The following ZBTB47 variants were observed in gnomAD, a reference collection of about 807,000 sequenced individuals.
ZBTB47 encodes the protein zinc finger and BTB domain containing 47.
ZBTB47 carries 24 observed loss-of-function variants against 56.6 expected under a neutral mutation model. That is an observed-to-expected ratio of 0.42 (90% CI 0.31 to 0.60). The LOEUF (loss-of-function observed/expected upper bound fraction) is 0.60. ZBTB47 is among the 20% of genes least tolerant of loss of function. The probability of loss-of-function intolerance (pLI) is 0.14; values close to 1 mark genes in which losing one functional copy is unlikely to be tolerated. For missense variants in ZBTB47, 829 were observed against 1,032.6 expected, an observed-to-expected ratio of 0.80 and a Z score of 2.70; for synonymous variants, 414 against 418.9, an observed-to-expected ratio of 0.99 and a Z score of 0.14.
At position 42,659,170 on chromosome 3, in the gene ZBTB47, T is replaced by C; in HGVS notation, c.815T>C (p.Leu272Pro). ...ATVVLGREDG[L>P]QRHSDEEEED... ...GTGGTTCTGGGCCGGGAGGACGGGC[T>C]GCAGAGACACTCGGACGAGGAGGAG... The change falls in exon 2 of 6, where the codon CTG (leucine) becomes CCG (proline). Residue 272 changes from leucine to proline, a missense_variant. By Grantham distance (98) the Leu-to-Pro change is moderately conservative (BLOSUM62 -3). Around this residue, in one of 6 missense-constraint regions of ZBTB47, gnomAD observed 359 missense variants for 359.8 expected, o/e 1.00. Transcript: ENST00000232974. 1 of 1,520,488 alleles carries C rather than the reference T, an allele frequency of 6.6e-7. No individual in the cohort carries two copies. Among genetic ancestry groups the C allele is most frequent in the Non-Finnish European group, 8.8e-7 (1 of 1,138,848 alleles). 94.2% of individuals were successfully genotyped at this position (1,520,488 alleles called of 1,614,324 possible).
At chr3:42,653,694 GC>G (rs1009379411), upstream of ZBTB47, 2 of 152,526 alleles carry the variant, frequency 1.3e-5, no homozygotes, top group African/African-American at 4.8e-5. Flanking sequence ...GAGCAAGGGG[GC>G]CACTCAGCAG....
chr3:42,661,185 G>A (rs1299489249), intron 2 of ZBTB47, among the ~76,000 whole-genome samples: 1 of 152,204 alleles, frequency 6.6e-6, no homozygotes, highest in Admixed American at 6.5e-5. Context: ...GACAGACAAA[G>A]GGTGATGCCT....
chr3:42,658,943 T>A lies in ZBTB47; in HGVS notation c.588T>A (p.Gly196=). ...QPFFKEEKEG[G]VEEAGGPPAS... ...TCTTTAAGGAGGAGAAGGAGGGTGG[T>A]GTCGAGGAGGCCGGTGGGCCCCCAG... Residue 196 remains glycine, a synonymous_variant, in exon 2 of 6, where the codon GGT becomes GGA. Coordinates refer to ENST00000232974, the MANE Select transcript of ZBTB47 (RefSeq NM_145166.4). 1 of 1,499,784 alleles carries A rather than the reference T, an allele frequency of 6.7e-7. No individual in the cohort carries two copies. Among genetic ancestry groups the A allele is most frequent in the Non-Finnish European group, 8.9e-7 (1 of 1,129,108 alleles). 92.9% of individuals were successfully genotyped at this position (1,499,784 alleles called of 1,614,324 possible). A position where few individuals can be genotyped will look rare whatever the true frequency, so the allele number is the denominator to read the frequency against.
Position 42,661,485 on chromosome 3 carries a change from T to C in ZBTB47, c.1474T>C (p.Cys492Arg). Residue 492 changes from cysteine (C) to arginine (R), a missense_variant and splice_region_variant, in exon 3 of 6, where the codon TGT becomes CGT. Coordinates refer to ENST00000232974, the MANE Select transcript of ZBTB47 (RefSeq NM_145166.4). The stretch of plus-strand genomic sequence containing the variant: ...GGCCTCAAGTCCTCTTATTCTGCAG[T>C]GTGTGACATGTGGCAAAGCTTTCAA... ...RQTDCERNIQ[C>R]VTCGKAFKKL... 1 of 1,613,748 alleles carries C rather than the reference T, an allele frequency of 6.2e-7. No individual in the cohort carries two copies. Among genetic ancestry groups the C allele is most frequent in the East Asian group, 2.2e-5 (1 of 44,872 alleles).
In ZBTB47 at chr3:42,663,388, C is replaced by A. The variant is rs906091264; in HGVS notation, c.1737+261C>A. On this transcript the variant is annotated intron_variant, in intron 4 of 5. Transcript: ENST00000232974. The surrounding 1 kb of genome is among the most constrained non-coding windows in gnomAD (Gnocchi z 5.1). ...GTGGGAAGTGTGTGTGGGCTACAGC[C>A]CTAGGAGCAGGCTTTCTGGGGAGGC... Among the ~76,000 whole-genome samples, 4 of 152,106 alleles carry A rather than the reference C, an allele frequency of 2.6e-5. No homozygotes were observed. The highest frequency in any genetic ancestry group is 9.7e-5 in the African/African-American group (4 of 41,418).
rs1159344982 is a variant in ZBTB47 at position 42,666,955 on chromosome 3, C to G, written c.*2357C>G. On this transcript the variant is annotated 3_prime_UTR_variant, in exon 6 of 6. Transcript: ENST00000232974. The stretch of plus-strand genomic sequence containing the variant: ...GAGCCTGTGTCCCTGGTGCTAAGCA[C>G]TCTCTTCACTTGGGCCATTGTTGGT... Among the ~76,000 whole-genome samples the G allele has an allele frequency of 6.6e-6, 1 of 152,236 alleles. No homozygotes were observed. The highest frequency in any genetic ancestry group is 1.5e-5 in the Non-Finnish European group (1 of 68,042).
chr3:42,659,053 A>C lies in ZBTB47; in HGVS notation c.698A>C (p.Gln233Pro). The C allele has an allele frequency of 6.6e-7, 1 of 1,524,570 alleles. No individual in the cohort carries two copies. Among genetic ancestry groups the C allele is most frequent in the Non-Finnish European group, 8.8e-7 (1 of 1,140,890 alleles). The allele number at this position is 1,524,570 out of a possible 1,614,324, so 94.4% of individuals were successfully genotyped here. A position where few individuals can be genotyped will look rare whatever the true frequency, so the allele number is the denominator to read the frequency against. Residue 233 changes from glutamine (Q) to proline (P), a missense_variant, in exon 2 of 6, where the codon CAG becomes CCG. Coordinates refer to ENST00000232974, the MANE Select transcript of ZBTB47 (RefSeq NM_145166.4). Reference protein sequence around the residue: ...SGTYSRREQSQIIVEVNLNNQ... With the variant: ...SGTYSRREQSPIIVEVNLNNQ... ...ACCTACAGCCGCAGGGAGCAATCCCAGATCATCGTGGAGGTGAACCTCAAC... is the reference window on the plus strand; with the variant it reads ...ACCTACAGCCGCAGGGAGCAATCCCCGATCATCGTGGAGGTGAACCTCAAC...
rs760064647 is a variant in ZBTB47 at position 42,664,298 on chromosome 3, G to A, written c.1944G>A (p.Lys648=). ...GKSFTSRPNM[K]RHRRTHTGEK... ...GCTTCACCAGCCGGCCCAACATGAAGCGGCACCGGCGCACGCACACGGGCG... is the reference window on the plus strand; with the variant it reads ...GCTTCACCAGCCGGCCCAACATGAAACGGCACCGGCGCACGCACACGGGCG... The change falls in exon 6 of 6, where the codon AAG becomes AAA. Residue 648 remains lysine, a synonymous_variant. Transcript: ENST00000232974. 6.2e-7 allele frequency: 1 copy of A among 1,613,482 alleles called. No individual in the cohort carries two copies. Among genetic ancestry groups the A allele is most frequent in the East Asian group, 2.2e-5 (1 of 44,856 alleles).
rs1710662717 is a variant in ZBTB47 at position 42,658,332 on chromosome 3, G to C, written c.-24G>C. 4.6e-6 allele frequency: 7 copies of C among 1,515,694 alleles called. No homozygotes were observed. Among genetic ancestry groups the C allele is most frequent in the Non-Finnish European group, 6.2e-6 (7 of 1,135,634 alleles). 93.9% of individuals were successfully genotyped at this position (1,515,694 alleles called of 1,614,324 possible). A position where few individuals can be genotyped will look rare whatever the true frequency, so the allele number is the denominator to read the frequency against. On this transcript the variant is annotated 5_prime_UTR_variant, in exon 2 of 6. Coordinates refer to ENST00000232974, the MANE Select transcript of ZBTB47 (RefSeq NM_145166.4). ...GGCTGAGTTCTCGCTGGTGGAGGAC[G>C]TGGCGCTGCACTTTGCCTGCTTGAT...
Position 42,664,655 on chromosome 3 carries a change from G to A in ZBTB47, c.*57G>A, listed in dbSNP as rs1025626754. 4.4e-6 allele frequency: 6 copies of A among 1,366,656 alleles called. No homozygotes were observed. Among genetic ancestry groups the A allele is most frequent in the Non-Finnish European group, 4.7e-6 (5 of 1,067,306 alleles). 84.7% of individuals were successfully genotyped at this position (1,366,656 alleles called of 1,614,324 possible). ...CCTGGAGTCAGGGCCCACTCCAGGAGGGACCCACTGCCTTCCCGGGGAGCA... is the reference window on the plus strand; with the variant it reads ...CCTGGAGTCAGGGCCCACTCCAGGAAGGACCCACTGCCTTCCCGGGGAGCA... On this transcript the variant is annotated 3_prime_UTR_variant, in exon 6 of 6. Transcript: ENST00000232974.
Position 42,658,945 on chromosome 3 carries a change from T to A in ZBTB47, c.590T>A (p.Val197Asp). 1 of 1,501,050 alleles carries A rather than the reference T, an allele frequency of 6.7e-7. No homozygotes were observed. The highest frequency in any genetic ancestry group is 8.9e-7 in the Non-Finnish European group (1 of 1,129,586). The allele number at this position is 1,501,050 out of a possible 1,614,324, so 93.0% of individuals were successfully genotyped here. Reference protein sequence around the residue: ...PFFKEEKEGGVEEAGGPPASL... With the variant: ...PFFKEEKEGGDEEAGGPPASL... ...TTTAAGGAGGAGAAGGAGGGTGGTG[T>A]CGAGGAGGCCGGTGGGCCCCCAGCC... Residue 197 changes from valine (V) to aspartate (D), a missense_variant, in exon 2 of 6, where the codon GTC becomes GAC. This residue lies in a region of ZBTB47 where 359 missense variants were observed against 359.8 expected (regional missense o/e 1.00). Transcript: ENST00000232974.
rs767570788 is a variant in ZBTB47, at chr3:42,659,389, CTGAGGAGGA to C, written c.1035_1043del (p.Glu347_Glu349del). On this transcript the variant is annotated inframe_deletion, in exon 2 of 6. Coordinates refer to ENST00000232974, the MANE Select transcript of ZBTB47 (RefSeq NM_145166.4). ...CCTAGTGAGCAGGATCAAGAGAGCT[CTGAGGAGGA>C]GGAGGGGGAGGAGGGGGAGGCTGGG... The C allele has an allele frequency of 2.1e-4, 230 of 1,080,744 alleles. No homozygotes were observed. Among genetic ancestry groups the C allele is most frequent in the Admixed American group, 4.8e-4 (9 of 18,924 alleles). The allele number at this position is 1,080,744 out of a possible 1,614,324, so 66.9% of individuals were successfully genotyped here.
At position 42,662,984 on chromosome 3, in the gene ZBTB47, C is replaced by T. The variant is rs779693770; in HGVS notation, c.1622-28C>T. 5 of 1,568,804 alleles carry T rather than the reference C, an allele frequency of 3.2e-6. 1 individual carries two copies. The Admixed American group carries it at 6.7e-5, about 21-fold the overall frequency. On this transcript the variant is annotated intron_variant, in intron 3 of 5. Transcript: ENST00000232974. ...GGGGTGCTTGGGCAGGCCCGTAAAA[C>T]ATGATGGCCCTGGTGCCCACCTCGT... is the stretch of plus-strand genomic sequence containing the variant.
chr3:42,661,450 C>T (rs202246236), intron 2 of ZBTB47, 35 bp from the exon 3 acceptor site: 8 of 1,606,456 alleles, frequency 5.0e-6, no homozygotes, highest in Admixed American at 3.4e-5. Context: ...CCTGGGGACT[C>T]AGGACCCAGG....
chr3:42,659,158 G>A lies in ZBTB47; in HGVS notation c.803G>A (p.Arg268Gln), dbSNP rs765523875. 2.1e-4 allele frequency: 315 copies of A among 1,516,186 alleles called. No individual in the cohort carries two copies. The highest frequency in any genetic ancestry group is 2.6e-4 in the Non-Finnish European group (290 of 1,136,194). 93.9% of individuals were successfully genotyped at this position (1,516,186 alleles called of 1,614,324 possible). ...GPSPATVVLG[R>Q]EDGLQRHSDE... ...AGCCCAGCCACCGTGGTTCTGGGCC[G>A]GGAGGACGGGCTGCAGAGACACTCG... The change falls in exon 2 of 6, where the codon CGG (arginine) becomes CAG (glutamine). Residue 268 changes from arginine to glutamine, a missense_variant. Arg to Gln is a conservative substitution (Grantham distance 43). This residue lies in a region of ZBTB47 where 359 missense variants were observed against 359.8 expected (regional missense o/e 1.00). Coordinates refer to ENST00000232974, the MANE Select transcript of ZBTB47 (RefSeq NM_145166.4).
Position 42,659,698 on chromosome 3 carries a change from G to A in ZBTB47, c.1343G>A (p.Arg448His), listed in dbSNP as rs1266145501. 6 of 1,613,474 alleles carry A rather than the reference G, an allele frequency of 3.7e-6. No homozygotes were observed. Among genetic ancestry groups the A allele is most frequent in the South Asian group, 1.1e-5 (1 of 90,966 alleles). Residue 448 changes from arginine to histidine, a missense_variant, in exon 2 of 6, where the codon CGC becomes CAC. This residue lies in a region of ZBTB47 where 187 missense variants were observed against 253.1 expected (regional missense o/e 0.74). Transcript: ENST00000232974. Reference sequence around the variant, plus strand: ...AAGTGCCCACGAGTTTTCAACAACCGCTGGTACCTGGAGAAACACATGAAT... The same window carrying A: ...AAGTGCCCACGAGTTTTCAACAACCACTGGTACCTGGAGAAACACATGAAT... ...CQKCPRVFNNRWYLEKHMNVT... is the reference protein window; with the variant it reads ...CQKCPRVFNNHWYLEKHMNVT...
At position 42,654,687 on chromosome 3, in the gene ZBTB47, G is replaced by C; in HGVS notation, c.-82+804G>C. ...GGGCCCTGTGAGCCCCCAGCGCCAC[G>C]GCACCATGGTACGCAGGGCCCTGCC... On this transcript the variant is annotated intron_variant, in intron 1 of 5. Coordinates refer to ENST00000232974, the MANE Select transcript of ZBTB47 (RefSeq NM_145166.4). This position sits in a 1 kb window ranked among gnomAD's most constrained non-coding sequence, Gnocchi z 5.0. 4 of 984,940 alleles carry C rather than the reference G, an allele frequency of 4.1e-6. No individual in the cohort carries two copies. Among genetic ancestry groups the C allele is most frequent in the Non-Finnish European group, 4.8e-6 (4 of 829,726 alleles). 61.0% of individuals were successfully genotyped at this position (984,940 alleles called of 1,614,324 possible).
upstream of ZBTB47, among the ~76,000 whole-genome samples, chr3:42,653,184 G>C (rs1194208226): frequency 6.6e-6 from 1 of 152,134 alleles, no homozygotes; most frequent in Non-Finnish European, 1.5e-5. Context: ...GGAGGCCCTT[G>C]CAATCTTACA....
rs781678836 is a variant in ZBTB47, at chr3:42,663,954, CT to C, written c.1882+14del. 2 of 1,605,360 alleles carry C rather than the reference CT, an allele frequency of 1.2e-6. No individual in the cohort carries two copies. Among genetic ancestry groups the C allele is most frequent in the East Asian group, 4.5e-5 (2 of 44,500 alleles). ...AAGACCCACACAGGTGCGGCTGCCCCTGGGGACGGAGCTCGGTGCCGGGCCT... is the reference window on the plus strand; with the variant it reads ...AAGACCCACACAGGTGCGGCTGCCCCGGGGACGGAGCTCGGTGCCGGGCCT... On this transcript the variant is annotated intron_variant, in intron 5 of 5. Coordinates refer to ENST00000232974, the MANE Select transcript of ZBTB47 (RefSeq NM_145166.4). This position sits in a 1 kb window ranked among gnomAD's most constrained non-coding sequence, Gnocchi z 5.1.
Sources: allele counts gnomAD v4.1 joint callset (sites outside exome capture counted in the v4.1 genomes callset), GRCh38; gene constraint gnomAD v4.1.1; regional missense constraint gnomAD v4.1.1; non-coding constraint Gnocchi (gnomAD v3.1); transcripts MANE v1.5; gene names NCBI Gene and HGNC (gene_info 2026-07-23, HGNC 2026-07-21).